GRID2: variants seen among roughly 807,000 people sequenced by gnomAD.
The protein encoded by GRID2 is glutamate receptor ionotropic, delta-2.
GRID2 carries 33 observed loss-of-function variants against 114.8 expected under a neutral mutation model. The observed-to-expected ratio is 0.29, with a 90% CI of 0.22 to 0.38. The LOEUF is 0.38. GRID2 is among the 10% of genes least tolerant of loss of function. The pLI is 1.00. For missense variants in GRID2, 1,184 were observed against 1,257.7 expected, an observed-to-expected ratio of 0.94 and a Z score of 0.89; for synonymous variants, 505 against 449.9, an observed-to-expected ratio of 1.12 and a Z score of -1.55.
chr4:92,538,372 G>A (rs907019947), intron 1 of GRID2, among the ~76,000 whole-genome samples: 3 of 152,144 alleles, frequency 2.0e-5, no homozygotes, highest in Non-Finnish European at 4.4e-5. Context: ...GTACAGGGAT[G>A]CTTCTTTTTC....
chr4:93,398,716 A>G (rs749812398), intron 9 of GRID2, among the ~76,000 whole-genome samples: 46 of 149,890 alleles, frequency 3.1e-4, no homozygotes, highest in Non-Finnish European at 2.8e-4. Flanking sequence ...CAGATATTGA[A>G]TATGGTTTTG....
chr4:93,285,694 A>T (rs1753082213), intron 8 of GRID2, among the ~76,000 whole-genome samples: 1 of 152,048 alleles, frequency 6.6e-6, no homozygotes, highest in South Asian at 2.1e-4. Flanking sequence ...CTTGTTTAAA[A>T]TTAGCAATAT....
intron 2 of GRID2, among the ~76,000 whole-genome samples, chr4:92,981,164 T>C (rs1179779558): frequency 1.3e-5 from 2 of 152,132 alleles, no homozygotes; most frequent in African/African-American, 4.8e-5. Flanking sequence ...TTCCAGTATG[T>C]ATGTATAATT....
chr4:92,706,930 T>C (rs1734983672), intron 2 of GRID2, among the ~76,000 whole-genome samples: 1 of 152,176 alleles, frequency 6.6e-6, no homozygotes, highest in Admixed American at 6.5e-5. Flanking sequence ...TCATCATTTT[T>C]AGTCACCAAT....
intron 14 of GRID2, among the ~76,000 whole-genome samples, chr4:93,748,027 A>C (rs1731999385): frequency 6.6e-6 from 1 of 152,180 alleles, no homozygotes; most frequent in South Asian, 2.1e-4. Flanking sequence ...GATATATAAC[A>C]TCTAACAACT....
chr4:93,674,624 T>TG (rs1034426443), intron 14 of GRID2, among the ~76,000 whole-genome samples: 1 of 152,062 alleles, frequency 6.6e-6, no homozygotes, highest in Non-Finnish European at 1.5e-5. Context: ...GCTTTTTTTT[T>TG]TTATTTCTTT....
At chr4:93,604,086 G>C (rs6822199) in intron 13 of GRID2, among the ~76,000 whole-genome samples, 1 of 152,186 alleles carries the variant, frequency 6.6e-6, no homozygotes. Flanking sequence ...GGCCATAGCT[G>C]CCATGTAAGT....
At chr4:93,405,463 A>G (rs985354091) in intron 9 of GRID2, among the ~76,000 whole-genome samples, 6 of 152,090 alleles carry the variant, frequency 3.9e-5, no homozygotes, top group African/African-American at 1.4e-4. Context: ...CTCCTCTTGG[A>G]AGCTGGAACC....
intron 2 of GRID2, among the ~76,000 whole-genome samples, chr4:92,675,228 G>A (rs1354294725): frequency 1.3e-5 from 2 of 152,102 alleles, no homozygotes; most frequent in Non-Finnish European, 2.9e-5. Context: ...AAAGATTCCT[G>A]ACTCAGGTTA....
At chr4:92,729,362 A>G (rs1482808080) in intron 2 of GRID2, among the ~76,000 whole-genome samples, 1 of 152,074 alleles carries the variant, frequency 6.6e-6, no homozygotes, top group Non-Finnish European at 1.5e-5. Context: ...CTATATTGGC[A>G]ATAGAAAATT....
At chr4:92,507,415 TTGTGTGTGTGTG>T (rs70940902) in intron 1 of GRID2, among the ~76,000 whole-genome samples, 1 of 149,244 alleles carries the variant, frequency 6.7e-6, no homozygotes, top group Admixed American at 6.7e-5. Flanking sequence ...TCGTGTATAA[TTGTGTGTGTGTG>T]TGTGTGTGTG....
chr4:92,868,111 T>C (rs1220462083), intron 2 of GRID2, among the ~76,000 whole-genome samples: 3 of 151,720 alleles, frequency 2.0e-5, no homozygotes, highest in African/African-American at 7.3e-5. Flanking sequence ...TCTTTCTTTC[T>C]TTTTTTAATG....
chr4:92,737,367 A>G (rs1384770538), intron 2 of GRID2, among the ~76,000 whole-genome samples: 2 of 151,578 alleles, frequency 1.3e-5, no homozygotes, highest in South Asian at 2.1e-4. Flanking sequence ...TTTGTCAGAT[A>G]GAAGAGTCTG....
chr4:92,675,530 C>T (rs1273476236), intron 2 of GRID2, among the ~76,000 whole-genome samples: 1 of 150,844 alleles, frequency 6.6e-6, no homozygotes, highest in Non-Finnish European at 1.5e-5. Context: ...CTAAGAAACA[C>T]CAGTCTCTGT....
At chr4:93,101,431 T>A (rs374117670) in intron 3 of GRID2, among the ~76,000 whole-genome samples, 2 of 152,014 alleles carry the variant, frequency 1.3e-5, no homozygotes, top group African/African-American at 4.8e-5. Flanking sequence ...CCTCTACCCT[T>A]CTTGGCCCCT....
intron 4 of GRID2, among the ~76,000 whole-genome samples, chr4:93,118,189 C>T (rs543234544): frequency 7.9e-5 from 12 of 152,242 alleles, no homozygotes; most frequent in Non-Finnish European, 2.9e-5. Context: ...TCTGATCAAG[C>T]GTCACTGCTT....
intron 8 of GRID2, among the ~76,000 whole-genome samples, chr4:93,370,800 A>T (rs887750848): frequency 6.6e-6 from 1 of 152,028 alleles, no homozygotes; most frequent in South Asian, 2.1e-4. Context: ...TGTTTTTTAG[A>T]CTATGACCAC....
chr4:92,786,321 G>C (rs958576670), intron 2 of GRID2, among the ~76,000 whole-genome samples: 8 of 151,782 alleles, frequency 5.3e-5, no homozygotes, highest in African/African-American at 1.9e-4. Flanking sequence ...TAGTCAAGAA[G>C]AATTTACTGA....
chr4:93,166,862 A>G (rs944470201), intron 4 of GRID2, among the ~76,000 whole-genome samples: 1 of 152,090 alleles, frequency 6.6e-6, no homozygotes, highest in African/African-American at 2.4e-5. Context: ...GAGAATCTAA[A>G]CCAGTGTGCT....
Sources: gnomAD v4.1 joint callset for allele counts (sites outside exome capture counted in the v4.1 genomes callset) on GRCh38, gnomAD v4.1.1 for gene constraint, MANE v1.5 for transcripts, NCBI Gene and HGNC (gene_info 2026-07-23, HGNC 2026-07-21) for gene names.